The following ADPGK variants were observed in gnomAD, a reference collection of about 807,000 sequenced individuals.
ADPGK encodes the protein ADP-dependent glucokinase.
ADPGK carries 26 observed loss-of-function variants against 42.4 expected under a neutral mutation model. The observed-to-expected ratio is 0.61, with a 90% CI of 0.45 to 0.85. ADPGK has a LOEUF of 0.85. ADPGK is among the 40% of genes least tolerant of loss of function. ADPGK has a pLI of 0.00. For synonymous variants in ADPGK, 267 were observed against 252.6 expected (o/e 1.06, Z -0.54); for missense variants, 571 against 627.0 (o/e 0.91, Z 0.95).
intron 3 of ADPGK, among the ~76,000 whole-genome samples, chr15:72,764,674 CT>C (rs1166011136): frequency 6.6e-6 from 1 of 152,216 alleles, no homozygotes; most frequent in East Asian, 1.9e-4. Context: ...ACAAAACAGC[CT>C]TCTGTTGGAG....
At chr15:72,765,167 G>T (rs1197163279) in intron 3 of ADPGK, among the ~76,000 whole-genome samples, 1 of 151,858 alleles carries the variant, frequency 6.6e-6, no homozygotes, top group African/African-American at 2.4e-5. Flanking sequence ...TTTTTTTTGA[G>T]ACAGTCTGGC....
In ADPGK at chr15:72,752,707, G is replaced by A. The variant is rs772221807; in HGVS notation, c.1128C>T (p.Leu376=). The A allele has an allele frequency of 3.7e-5, 59 of 1,614,230 alleles. 1 individual carries two copies. The South Asian group carries it at 6.1e-4, about 17-fold the overall frequency. The change falls in exon 7 of 7, where the codon CTC becomes CTT. Residue 376 remains leucine (L), a synonymous_variant. Coordinates refer to ENST00000456471, the MANE Select transcript of ADPGK (RefSeq NM_001365225.1). ...CCAGCGTGTGGAAATGGATCCTGGT[G>A]AGATCCGAGGCTCTGCTTTTACTCC... ...HGRSKSRASD[L]TRIHFHTLVY...
At chr15:72,761,479 G>A (rs1213997316) in intron 3 of ADPGK, among the ~76,000 whole-genome samples, 3 of 152,140 alleles carry the variant, frequency 2.0e-5, no homozygotes, top group African/African-American at 7.2e-5. Context: ...AAGGTGCTCT[G>A]CAACTTTTCC....
At chr15:72,778,061 C>T (rs2151093353) in intron 1 of ADPGK, among the ~76,000 whole-genome samples, 1 of 152,186 alleles carries the variant, frequency 6.6e-6, no homozygotes, top group Admixed American at 6.5e-5. Context: ...CCAGCCTGAG[C>T]AATATAGCAA....
rs1430752975 is a variant in ADPGK, at chr15:72,755,844, T to C, written c.841-190A>G. 6.1e-5 allele frequency: 40 copies of C among 656,708 alleles called. No individual in the cohort carries two copies. In the Admixed American group the frequency reaches 8.3e-4, roughly 14 times the overall value. The allele number at this position is 656,708 out of a possible 1,614,324, so 40.7% of individuals were successfully genotyped here. ...GGACACTCTTCCCACCAGGGAAGAC[T>C]AGGCTGTGCAGAGCCATCAGGGATA... On this transcript the variant is annotated intron_variant, in intron 5 of 6. Transcript: ENST00000456471.
intron 6 of ADPGK, 79 bp from the exon 7 acceptor site, chr15:72,752,974 A>G: frequency 7.1e-7 from 1 of 1,402,952 alleles, no homozygotes; most frequent in South Asian, 1.4e-5. Flanking sequence ...GCCAGTGACT[A>G]AATGACAGGG....
At chr15:72,756,681 T>G in intron 4 of ADPGK, 1 of 530,514 alleles carries the variant, frequency 1.9e-6, no homozygotes, top group Non-Finnish European at 3.4e-6. Context: ...GCTATATGCC[T>G]TTTTCAAGGT....
rs1555504301 is a variant in ADPGK, at chr15:72,756,417, T to A, written c.674A>T (p.His225Leu). 5.6e-6 allele frequency: 9 copies of A among 1,614,132 alleles called. No homozygotes were observed. Among genetic ancestry groups the A allele is most frequent in the Non-Finnish European group, 7.6e-6 (9 of 1,180,026 alleles). Residue 225 changes from histidine (H) to leucine (L), a missense_variant, in exon 5 of 7, where the codon CAT becomes CTT. Transcript: ENST00000456471. ...GTGAGAGAAGATGAATCGGTTGGCATGGGGAGCTTTTAACTGGCCCCACTC... is the reference window on the plus strand; with the variant it reads ...GTGAGAGAAGATGAATCGGTTGGCAAGGGGAGCTTTTAACTGGCCCCACTC... The part of the protein sequence containing the change: ...GEEWGQLKAP[H>L]ANRFIFSHDL...
chr15:72,778,477 G>C (rs1032260973), intron 1 of ADPGK, among the ~76,000 whole-genome samples: 1 of 152,102 alleles, frequency 6.6e-6, no homozygotes, highest in African/African-American at 2.4e-5. Context: ...ATGCTCATCT[G>C]ACATGCAAGC....
chr15:72,752,570 G>A lies in ADPGK; in HGVS notation c.1265C>T (p.Thr422Ile), dbSNP rs757854799. 3 of 1,614,218 alleles carry A rather than the reference G, an allele frequency of 1.9e-6. No homozygotes were observed. The highest frequency in any genetic ancestry group is 2.2e-5 in the South Asian group (2 of 91,072). ...TQACATETIDTSRVSLRAPQE... is the reference protein window; with the variant it reads ...TQACATETIDISRVSLRAPQE... ...GGGTGCCCTCAGAGACACTCGGCTG[G>A]TGTCTATGGTTTCTGTGGCGCAGGC... is the stretch of plus-strand genomic sequence containing the variant. The change falls in exon 7 of 7, where the codon ACC becomes ATC. Residue 422 changes from threonine to isoleucine, a missense_variant. Around this residue, in one of 2 missense-constraint regions of ADPGK, gnomAD observed 434 missense variants for 522.7 expected, o/e 0.83. Transcript: ENST00000456471.
chr15:72,766,250 G>T (rs956054215), intron 3 of ADPGK, among the ~76,000 whole-genome samples: 2 of 152,158 alleles, frequency 1.3e-5, no homozygotes, highest in Admixed American at 1.3e-4. Context: ...GGAATTACAG[G>T]TGTGAGCCAC....
At chr15:72,755,958 A>G (rs1464037307) in intron 5 of ADPGK, 1 of 653,380 alleles carries the variant, frequency 1.5e-6, no homozygotes, top group African/African-American at 1.8e-5. Flanking sequence ...GATACAAATA[A>G]CACAAAGGAC....
chr15:72,771,687 C>T, intron 3 of ADPGK, 96 bp downstream of exon 3: 1 of 1,149,506 alleles, frequency 8.7e-7, no homozygotes, highest in Non-Finnish European at 1.3e-6. Context: ...GTAGGTGATC[C>T]ATAAGTTGAA....
At chr15:72,776,880 G>A (rs1227561823) in intron 1 of ADPGK, among the ~76,000 whole-genome samples, 1 of 152,128 alleles carries the variant, frequency 6.6e-6, no homozygotes, top group African/African-American at 2.4e-5. Context: ...CTGGTCAACT[G>A]GAGAAGCATA....
Position 72,774,878 on chromosome 15 carries a change from T to A in ADPGK, c.453A>T (p.Gly151=), listed in dbSNP as rs372426890. 1.2e-5 allele frequency: 19 copies of A among 1,611,508 alleles called. No homozygotes were observed. The highest frequency in any genetic ancestry group is 1.4e-5 in the Non-Finnish European group (17 of 1,177,828). Residue 151 remains glycine (G), a synonymous_variant, in exon 2 of 7, where the codon GGA becomes GGT. Coordinates refer to ENST00000456471, the MANE Select transcript of ADPGK (RefSeq NM_001365225.1). ...ATTGCTGAACCAAACAGACCTGGGC[T>A]CCTGGGAACTCTGATGCAACCTGGG... is the stretch of plus-strand genomic sequence containing the variant. ...DIAQVASEFP[G]AQHYVGGNAA... is the part of the protein sequence containing the mutation.
At position 72,779,445 on chromosome 15, in the gene ADPGK, A is replaced by G. The variant is rs531969590; in HGVS notation, c.233+4014T>C. Among the ~76,000 whole-genome samples, 4 of 152,028 alleles carry G rather than the reference A, an allele frequency of 2.6e-5. No individual in the cohort carries two copies. The South Asian group carries it at 8.3e-4, about 32-fold the overall frequency. ...TTTTTAGTAGAGATGGGGTTTCTCC[A>G]TGTTGGTCAAGCTGGTCTCGAACTC... On this transcript the variant is annotated intron_variant, in intron 1 of 6. Transcript: ENST00000456471.
At chr15:72,758,250 T>A (rs546828441) in intron 4 of ADPGK, 24,590 of 880,950 alleles carry the variant, frequency 0.028, 534 homozygotes, top group Middle Eastern at 0.031. Flanking sequence ...CCTGTAATGG[T>A]AGTTAGCGCC....
chr15:72,777,730 G>A (rs1319439761), intron 1 of ADPGK, among the ~76,000 whole-genome samples: 1 of 152,028 alleles, frequency 6.6e-6, no homozygotes, highest in African/African-American at 2.4e-5. Flanking sequence ...TCCATATCTA[G>A]TACTGCTGAG....
At chr15:72,769,787 T>G (rs1382192077) in intron 3 of ADPGK, among the ~76,000 whole-genome samples, 1 of 152,258 alleles carries the variant, frequency 6.6e-6, no homozygotes, top group Non-Finnish European at 1.5e-5. Context: ...TTGGGTTCAA[T>G]TCCCACTCTA....
Sources: allele counts gnomAD v4.1 joint callset (sites outside exome capture counted in the v4.1 genomes callset), GRCh38; gene constraint gnomAD v4.1.1; regional missense constraint gnomAD v4.1.1; transcripts MANE v1.5; gene names NCBI Gene and HGNC (gene_info 2026-07-23, HGNC 2026-07-21).